The following ROBO2 variants were observed in gnomAD, a reference collection of about 807,000 sequenced individuals.
ROBO2 encodes roundabout homolog 2.
ROBO2 carries 53 observed loss-of-function variants against 160.8 expected under a neutral mutation model. The ratio of observed to expected loss-of-function variants is 0.33; its 90% CI spans 0.26 to 0.41. ROBO2 has a LOEUF of 0.41. ROBO2 is among the 10% of genes least tolerant of loss of function. The probability of loss-of-function intolerance (pLI) is 1.00; values close to 1 mark genes in which losing one functional copy is unlikely to be tolerated. For synonymous variants in ROBO2, 664 were observed against 611.7 expected, an observed-to-expected ratio of 1.09 and a Z score of -1.26; for missense variants, 1,577 against 1,722.4, an observed-to-expected ratio of 0.92 and a Z score of 1.49.
At chr3:76,937,962 T>G (rs1468842396) in intron 2 of ROBO2, among the ~76,000 whole-genome samples, 1 of 152,134 alleles carries the variant, frequency 6.6e-6, no homozygotes, top group Non-Finnish European at 1.5e-5. Context: ...AGGATTCAAG[T>G]AAAACACCAG....
chr3:77,091,296 T>C (rs1242291714), intron 1 of ROBO2, among the ~76,000 whole-genome samples: 1 of 152,170 alleles, frequency 6.6e-6, no homozygotes, highest in Non-Finnish European at 1.5e-5. Context: ...AAACAAATGT[T>C]CTCTGGCACT....
At chr3:77,606,564 A>G (rs1210528852) in intron 20 of ROBO2, among the ~76,000 whole-genome samples, 1 of 152,192 alleles carries the variant, frequency 6.6e-6, no homozygotes, top group Non-Finnish European at 1.5e-5. Context: ...TGTGCATGCT[A>G]TGTGGAAAAC....
chr3:75,928,202 T>G (rs1947368158), intron 1 of ROBO2, among the ~76,000 whole-genome samples: 2 of 151,594 alleles, frequency 1.3e-5, no homozygotes, highest in Admixed American at 1.3e-4. Context: ...GCCAGGATGG[T>G]CTCTATCTCC....
chr3:77,614,322 C>T (rs2094717715), intron 21 of ROBO2, among the ~76,000 whole-genome samples: 1 of 152,086 alleles, frequency 6.6e-6, no homozygotes, highest in Non-Finnish European at 1.5e-5. Context: ...ACATATAAAA[C>T]AGATAAAAAT....
chr3:76,872,232 A>G (rs945226984), intron 2 of ROBO2, among the ~76,000 whole-genome samples: 4 of 152,214 alleles, frequency 2.6e-5, no homozygotes, highest in African/African-American at 9.6e-5. Context: ...ACCAGAAGCC[A>G]AAGTATTCTT....
chr3:77,331,442 T>C (rs2065951801), intron 2 of ROBO2, among the ~76,000 whole-genome samples: 1 of 152,158 alleles, frequency 6.6e-6, no homozygotes, highest in African/African-American at 2.4e-5. Flanking sequence ...GGGTATTTTC[T>C]TGGATATGGT....
intron 6 of ROBO2, among the ~76,000 whole-genome samples, chr3:77,536,951 T>C (rs1013821114): frequency 5.3e-5 from 8 of 152,194 alleles, no homozygotes; most frequent in African/African-American, 1.9e-4. Flanking sequence ...TTAACTCTTT[T>C]CAGAAGCATT....
intron 2 of ROBO2, among the ~76,000 whole-genome samples, chr3:76,881,966 T>G (rs1577227805): frequency 6.7e-6 from 1 of 150,034 alleles, no homozygotes; most frequent in African/African-American, 2.5e-5. Flanking sequence ...GTCTGTTGGG[T>G]GGTAGGTTGG....
intron 2 of ROBO2, among the ~76,000 whole-genome samples, chr3:76,394,744 G>A (rs867589389): frequency 6.6e-6 from 1 of 151,990 alleles, no homozygotes. Context: ...ATTACATAAC[G>A]GTAAAGGGAT....
rs183116082 is a variant in ROBO2, at chr3:77,616,862, G to A, written c.3294-651G>A. On this transcript the variant is annotated intron_variant, in intron 21 of 25. Transcript: ENST00000461745. ...AAAATTTTTTAAAAGGATAGATCTCGTGTTAAAGTTTTTTACTACAATAAA... is the reference window on the plus strand; with the variant it reads ...AAAATTTTTTAAAAGGATAGATCTCATGTTAAAGTTTTTTACTACAATAAA... 4.1e-3 allele frequency among the ~76,000 whole-genome samples: 621 copies of A among 152,058 alleles called. 5 individuals carry two copies. The highest frequency in any genetic ancestry group is 0.02 in the South Asian group (96 of 4,820).
intron 16 of ROBO2, 47 bp from the exon 18 acceptor site, chr3:77,588,704 G>T: frequency 6.5e-7 from 1 of 1,547,010 alleles, no homozygotes; most frequent in Non-Finnish European, 8.9e-7. Flanking sequence ...ATATTCCTGT[G>T]CTTATTTTCG....
intron 2 of ROBO2, among the ~76,000 whole-genome samples, chr3:76,046,711 T>G (rs1324948062): frequency 1.3e-5 from 2 of 152,048 alleles, no homozygotes; most frequent in Non-Finnish European, 2.9e-5. Flanking sequence ...AGTCGCTTCT[T>G]ACTGAACTAC....
At chr3:76,019,125 T>C (rs2066491313) in intron 2 of ROBO2, among the ~76,000 whole-genome samples, 1 of 151,736 alleles carries the variant, frequency 6.6e-6, no homozygotes, top group Admixed American at 6.6e-5. Flanking sequence ...GAATACTGTG[T>C]ATTCCTTCAA....
At chr3:76,221,470 A>G (rs934411476) in intron 2 of ROBO2, among the ~76,000 whole-genome samples, 2 of 148,258 alleles carry the variant, frequency 1.3e-5, no homozygotes, top group African/African-American at 5.0e-5. Flanking sequence ...TCATTTTACA[A>G]GTAACTCAGG....
At chr3:77,304,577 A>T (rs1466030472) in intron 2 of ROBO2, among the ~76,000 whole-genome samples, 2 of 152,194 alleles carry the variant, frequency 1.3e-5, no homozygotes, top group Non-Finnish European at 2.9e-5. Context: ...TTAAAAGGTT[A>T]TTATACTATC....
At chr3:77,262,382 T>C (rs2058831738) in intron 2 of ROBO2, among the ~76,000 whole-genome samples, 1 of 152,168 alleles carries the variant, frequency 6.6e-6, no homozygotes, top group South Asian at 2.1e-4. Context: ...AGTAGTAAGA[T>C]AAATGATCAA....
chr3:77,053,279 T>G (rs993501531), intron 1 of ROBO2, among the ~76,000 whole-genome samples: 10 of 152,210 alleles, frequency 6.6e-5, no homozygotes, highest in Non-Finnish European at 1.5e-4. Flanking sequence ...GACAGTAAAT[T>G]AAGCCATGTC....
At chr3:77,135,156 T>G (rs1282369490) in intron 2 of ROBO2, among the ~76,000 whole-genome samples, 1 of 152,232 alleles carries the variant, frequency 6.6e-6, no homozygotes, top group South Asian at 2.1e-4. Context: ...GCCTTCAACA[T>G]GCAAAACTCC....
At chr3:76,681,388 C>T (rs549619065) in intron 2 of ROBO2, among the ~76,000 whole-genome samples, 22 of 152,210 alleles carry the variant, frequency 1.4e-4, no homozygotes, top group Middle Eastern at 3.4e-3. Context: ...TTGCATTCAA[C>T]CACTTCAATC....
Sources: gnomAD v4.1 joint callset for allele counts (sites outside exome capture counted in the v4.1 genomes callset) on GRCh38, gnomAD v4.1.1 for gene constraint, MANE v1.5 for transcripts, NCBI Gene and HGNC (gene_info 2026-07-23, HGNC 2026-07-21) for gene names.